The following EPC2 variants were observed in gnomAD, a reference collection of about 807,000 sequenced individuals.
EPC2 encodes the protein enhancer of polycomb homolog 2.
A neutral mutation model predicts 92.1 loss-of-function variants in EPC2; 14 were observed. The observed-to-expected ratio is 0.15, with a 90% CI of 0.10 to 0.24. The LOEUF (loss-of-function observed/expected upper bound fraction) is 0.24, where lower values mean the gene tolerates loss of function less well. EPC2 is among the 10% of genes least tolerant of loss of function. EPC2 has a pLI of 1.00. For missense variants in EPC2, 755 were observed against 971.5 expected (o/e 0.78, Z 2.96); for synonymous variants, 340 against 334.7 (o/e 1.02, Z -0.17).
At chr2:148,721,298 G>A (rs1682368999) in intron 2 of EPC2, among the ~76,000 whole-genome samples, 1 of 151,048 alleles carries the variant, frequency 6.6e-6, no homozygotes, top group South Asian at 2.1e-4. Flanking sequence ...TTTTCACAGA[G>A]TGCAGAATTT....
In EPC2 at chr2:148,762,748, T is replaced by C. The variant is rs773504660; in HGVS notation, c.894T>C (p.Thr298=). 1 of 1,610,960 alleles carries C rather than the reference T, an allele frequency of 6.2e-7. No individual in the cohort carries two copies. Among genetic ancestry groups the C allele is most frequent in the Non-Finnish European group, 8.5e-7 (1 of 1,178,770 alleles). ...ISRSEKELYA[T]PATLHNGNHH... ...GATCAGAAAAAGAGTTATATGCCAC[T>C]CCAGCAACTCTTCATAATGGAAATC... The change falls in exon 6 of 14, where the codon ACT becomes ACC. Residue 298 remains threonine (T), a synonymous_variant. Transcript: ENST00000258484.
At chr2:148,679,440 G>T (rs1212881048) in intron 1 of EPC2, among the ~76,000 whole-genome samples, 1 of 152,132 alleles carries the variant, frequency 6.6e-6, no homozygotes, top group Non-Finnish European at 1.5e-5. Flanking sequence ...TGATTGCAGA[G>T]GCTCTCTGAG....
intron 2 of EPC2, among the ~76,000 whole-genome samples, chr2:148,740,366 C>T (rs901119432): frequency 6.6e-6 from 1 of 151,798 alleles, no homozygotes; most frequent in African/African-American, 2.4e-5. Context: ...AGGCAGGCAC[C>T]TGTACCTGGT....
intron 3 of EPC2, among the ~76,000 whole-genome samples, chr2:148,748,864 A>C (rs1203649293): frequency 6.6e-6 from 1 of 152,158 alleles, no homozygotes; most frequent in Non-Finnish European, 1.5e-5. Flanking sequence ...AGAGCTGCTC[A>C]ACCTGTATTT....
intron 2 of EPC2, among the ~76,000 whole-genome samples, chr2:148,720,905 G>A (rs1391118360): frequency 2.6e-5 from 4 of 152,122 alleles, no homozygotes; most frequent in East Asian, 1.9e-4. Flanking sequence ...TGAGCGCCAC[G>A]GACTGCAGCT....
intron 1 of EPC2, among the ~76,000 whole-genome samples, chr2:148,657,380 T>C (rs1680825199): frequency 6.6e-6 from 1 of 152,146 alleles, no homozygotes; most frequent in Non-Finnish European, 1.5e-5. Context: ...GCTTTCAAAA[T>C]ACCTCCCACA....
intron 3 of EPC2, among the ~76,000 whole-genome samples, chr2:148,746,190 A>G (rs1200880218): frequency 6.6e-6 from 1 of 151,918 alleles, no homozygotes; most frequent in Non-Finnish European, 1.5e-5. Context: ...GAGTATTTTT[A>G]TAGATATAAT....
rs1035748636 is a variant in EPC2, at chr2:148,709,546, T to C, written c.313+19173T>C. On this transcript the variant is annotated intron_variant, in intron 2 of 13. Transcript: ENST00000258484. ...AGAGTCTGCATTGCCAAGACAATCCTAAGCCAAAAGAACAAAGCTGGAGGC... is the reference window on the plus strand; with the variant it reads ...AGAGTCTGCATTGCCAAGACAATCCCAAGCCAAAAGAACAAAGCTGGAGGC... Among the ~76,000 whole-genome samples the C allele has an allele frequency of 9.2e-5, 14 of 152,342 alleles. No individual in the cohort carries two copies. The South Asian group carries it at 2.5e-3, about 27-fold the overall frequency.
intron 1 of EPC2, among the ~76,000 whole-genome samples, chr2:148,676,054 A>C (rs1176932030): frequency 6.6e-6 from 1 of 152,170 alleles, no homozygotes; most frequent in Admixed American, 6.5e-5. Context: ...AAGAAAAACA[A>C]CAACAACAAT....
intron 3 of EPC2, among the ~76,000 whole-genome samples, chr2:148,746,245 T>A (rs893132307): frequency 6.6e-6 from 1 of 152,016 alleles, no homozygotes; most frequent in African/African-American, 2.4e-5. Flanking sequence ...ACTCCAGGAT[T>A]TTTTTCCCCC....
chr2:148,765,223 T>A, intron 7 of EPC2, 77 bp downstream of exon 7: 2 of 1,061,636 alleles, frequency 1.9e-6, no homozygotes, highest in Middle Eastern at 6.7e-4. Context: ...AATTGCTATC[T>A]TAGAGTTTTT....
Position 148,783,716 on chromosome 2 carries a change from C to CA in EPC2, c.1978dup (p.Thr660AsnfsTer17). 6.3e-7 allele frequency: 1 copy of CA among 1,592,658 alleles called. No individual in the cohort carries two copies. On this transcript the variant is annotated frameshift_variant, in exon 12 of 14. Coordinates refer to ENST00000258484, the MANE Select transcript of EPC2 (RefSeq NM_015630.4). LOFTEE classifies it high-confidence loss of function. ...GCAGTGAGGTAGCCAAGGAACAGAA[C>CA]ACTGGCCACAACAACATAAACGGTG...
intron 3 of EPC2, among the ~76,000 whole-genome samples, chr2:148,744,989 G>GCCCCCCCCCCCCCCCC (rs34269450): frequency 8.6e-5 from 4 of 46,358 alleles, no homozygotes; most frequent in Non-Finnish European, 9.9e-5. Flanking sequence ...CTATCAGTTT[G>GCCCCCCCCCCCCCCCC]CCCCCCCCCC....
chr2:148,675,123 A>C (rs1681235926), intron 1 of EPC2, among the ~76,000 whole-genome samples: 1 of 152,186 alleles, frequency 6.6e-6, no homozygotes, highest in Non-Finnish European at 1.5e-5. Flanking sequence ...GTATTTGACC[A>C]GCTTTATGCA....
chr2:148,768,075 C>T (rs886901363), intron 7 of EPC2, among the ~76,000 whole-genome samples: 3 of 152,142 alleles, frequency 2.0e-5, no homozygotes, highest in African/African-American at 4.8e-5. Flanking sequence ...CCCTGGATGA[C>T]CCTGCTCAGT....
In EPC2 at chr2:148,781,766, C is replaced by T. The variant is rs762027496; in HGVS notation, c.1843C>T (p.His615Tyr). The T allele has an allele frequency of 2.4e-5, 39 of 1,613,804 alleles. No homozygotes were observed. Among genetic ancestry groups the T allele is most frequent in the African/African-American group, 4.0e-5 (3 of 74,926 alleles). Residue 615 changes from histidine (H) to tyrosine (Y), a missense_variant, in exon 11 of 14, where the codon CAT (histidine) becomes TAT (tyrosine). Coordinates refer to ENST00000258484, the MANE Select transcript of EPC2 (RefSeq NM_015630.4). ...ATCTCAGCATTCCTCGCAACAGACA[C>T]ATCCAAAAGCACAGGTAAACTGCTC... ...QQSQHSSQQT[H>Y]PKAQGSSTSD...
intron 2 of EPC2, among the ~76,000 whole-genome samples, chr2:148,715,576 C>T (rs951414018): frequency 4.6e-5 from 7 of 151,904 alleles, no homozygotes; most frequent in Admixed American, 1.3e-4. Flanking sequence ...CTGTTCCATT[C>T]GTCTGTGTGT....
intron 4 of EPC2, among the ~76,000 whole-genome samples, chr2:148,754,462 C>T (rs1338193597): frequency 6.6e-6 from 1 of 152,112 alleles, no homozygotes; most frequent in African/African-American, 2.4e-5. Flanking sequence ...TCCTTATGCA[C>T]CTTGGAAGTT....
chr2:148,668,349 G>A (rs1340155247), intron 1 of EPC2, among the ~76,000 whole-genome samples: 1 of 152,006 alleles, frequency 6.6e-6, no homozygotes, highest in Non-Finnish European at 1.5e-5. Flanking sequence ...CTACATTTTT[G>A]TTTAGAGTGA....
Sources: allele counts gnomAD v4.1 joint callset (sites outside exome capture counted in the v4.1 genomes callset), GRCh38; gene constraint gnomAD v4.1.1; transcripts MANE v1.5; gene names NCBI Gene and HGNC (gene_info 2026-07-23, HGNC 2026-07-21).